The following NCLN variants were observed in gnomAD, a reference collection of about 807,000 sequenced individuals.
NCLN encodes nicalin, also known as BOS complex subunit NCLN.
NCLN carries 34 observed loss-of-function variants against 69.5 expected under a neutral mutation model. The ratio of observed to expected loss-of-function variants is 0.49; its 90% confidence interval spans 0.37 to 0.65. The LOEUF (loss-of-function observed/expected upper bound fraction) is 0.65. Ranked by LOEUF, NCLN falls within the 30% of genes least tolerant of loss-of-function variation. NCLN has a pLI of 0.00. For missense variants in NCLN, 710 were observed against 804.8 expected (o/e 0.88, Z 1.42); for synonymous variants, 393 against 358.3 (o/e 1.10, Z -1.09).
In NCLN at chr19:3,204,597, G is replaced by A. The variant is rs377357982; in HGVS notation, c.1054G>A (p.Val352Ile). 6.4e-7 allele frequency: 1 copy of A among 1,570,598 alleles called. No homozygotes were observed. Among genetic ancestry groups the A allele is most frequent in the African/African-American group, 1.4e-5 (1 of 72,966 alleles). The change falls in exon 9 of 15, where the codon GTA becomes ATA. Residue 352 changes from valine to isoleucine, a missense_variant. Transcript: ENST00000246117. ...ETVAAHQFPEVRFSMVHKRIN... is the reference protein window; with the variant it reads ...ETVAAHQFPEIRFSMVHKRIN... Reference sequence around the variant, plus strand: ...GGTGGCCGCGCACCAGTTCCCTGAGGTACGGTTCTCCATGGTGCACAAGCG... The same window carrying A: ...GGTGGCCGCGCACCAGTTCCCTGAGATACGGTTCTCCATGGTGCACAAGCG...
intron 1 of NCLN, among the ~76,000 whole-genome samples, chr19:3,187,289 A>G (rs2144890900): frequency 6.6e-6 from 1 of 152,240 alleles, no homozygotes; most frequent in South Asian, 2.1e-4. Flanking sequence ...TGTCCCTGAC[A>G]TTCCAGAACC....
In NCLN at chr19:3,204,568, T is replaced by TGC; in HGVS notation, c.1030-4_1030-3dup. 2 of 1,529,498 alleles carry TGC rather than the reference T, an allele frequency of 1.3e-6. No homozygotes were observed. The highest frequency in any genetic ancestry group is 1.8e-6 in the Non-Finnish European group (2 of 1,136,158). The allele number at this position is 1,529,498 out of a possible 1,614,324, so 94.7% of individuals were successfully genotyped here. On this transcript the variant is annotated splice_polypyrimidine_tract_variant and splice_region_variant and intron_variant, in intron 8 of 14. Coordinates refer to ENST00000246117, the MANE Select transcript of NCLN (RefSeq NM_020170.4). Reference sequence around the variant, plus strand: ...GCCCTCTGCTAATGGCGCCTCCGGCTGCAGGTGGCCGCGCACCAGTTCCCT... The same window carrying TGC: ...GCCCTCTGCTAATGGCGCCTCCGGCTGCGCAGGTGGCCGCGCACCAGTTCCCT...
intron 2 of NCLN, 128 bp downstream of exon 2, chr19:3,192,788 C>G: frequency 1.2e-6 from 1 of 858,422 alleles, no homozygotes; most frequent in East Asian, 3.0e-5. Context: ...GACTGTTCCC[C>G]TGCTCCATTG....
chr19:3,202,624 G>A (rs935074953), intron 6 of NCLN, among the ~76,000 whole-genome samples: 1 of 152,184 alleles, frequency 6.6e-6, no homozygotes, highest in Admixed American at 6.5e-5. Flanking sequence ...GTCACAAGGC[G>A]CCGGGAGTCA....
At chr19:3,192,366 G>T (rs1599349841) in intron 1 of NCLN, 104 bp from the exon 2 acceptor site, 1 of 287,870 alleles carries the variant, frequency 3.5e-6, no homozygotes. Flanking sequence ...GTTGTGGGCT[G>T]GGGCTGGGGC....
chr19:3,193,439 G>A lies in NCLN; in HGVS notation c.520+11G>A, dbSNP rs150593944. ...CCTCTGCTGCTGAAGGTGTGCTCTG[G>A]GCTGCAGGGACGGGGCCCGTGGGCG... On this transcript the variant is annotated intron_variant, in intron 3 of 14. Coordinates refer to ENST00000246117, the MANE Select transcript of NCLN (RefSeq NM_020170.4). The A allele has an allele frequency of 3.5e-5, 56 of 1,592,228 alleles. No homozygotes were observed. In the East Asian group the frequency reaches 9.6e-4, roughly 27 times the overall value.
chr19:3,189,221 G>C (rs778146508), intron 1 of NCLN, among the ~76,000 whole-genome samples: 12 of 152,178 alleles, frequency 7.9e-5, no homozygotes, highest in Non-Finnish European at 1.6e-4. Context: ...GTTCACAGCA[G>C]GTGGGGCTCG....
chr19:3,192,503 G>A lies in NCLN; in HGVS notation c.218G>A (p.Arg73His), dbSNP rs567845695. 13 of 1,607,086 alleles carry A rather than the reference G, an allele frequency of 8.1e-6. No homozygotes were observed. Among genetic ancestry groups the A allele is most frequent in the African/African-American group, 5.4e-5 (4 of 74,606 alleles). Residue 73 changes from arginine to histidine, a missense_variant, in exon 2 of 15, where the codon CGC becomes CAC. Transcript: ENST00000246117. ...AATGCAGTGCTGAACACGGAGGCGC[G>A]CACGATGGCGGCGGAGGTGCTGAGC... is the stretch of plus-strand genomic sequence containing the variant. The part of the protein sequence containing the change: ...TRNAVLNTEA[R>H]TMAAEVLSRR...
intron 6 of NCLN, 147 bp downstream of exon 6, chr19:3,201,773 C>T (rs1402727028): frequency 3.0e-5 from 20 of 671,750 alleles, no homozygotes; most frequent in Non-Finnish European, 4.7e-5. Flanking sequence ...CCTTATTTAT[C>T]GAGGGCTAAG....
chr19:3,203,739 T>G lies in NCLN; in HGVS notation c.801-17T>G, dbSNP rs375188302. On this transcript the variant is annotated splice_polypyrimidine_tract_variant and intron_variant, in intron 6 of 14. Transcript: ENST00000246117. ...GGCGCTTGCCCGTCAAAGCTAACACTGGGTCTTCCCTCCCAGCTACAACCT... is the reference window on the plus strand; with the variant it reads ...GGCGCTTGCCCGTCAAAGCTAACACGGGGTCTTCCCTCCCAGCTACAACCT... The G allele has an allele frequency of 1.2e-6, 2 of 1,604,410 alleles. No homozygotes were observed. The highest frequency in any genetic ancestry group is 1.7e-6 in the Non-Finnish European group (2 of 1,175,908).
At chr19:3,191,725 G>A (rs1568310060) in intron 1 of NCLN, among the ~76,000 whole-genome samples, 1 of 152,216 alleles carries the variant, frequency 6.6e-6, no homozygotes, top group Non-Finnish European at 1.5e-5. Context: ...GTATATGGCT[G>A]CACTCACCCT....
Position 3,206,277 on chromosome 19 carries a change from C to T in NCLN, c.1351C>T (p.Gln451Ter). The T allele has an allele frequency of 6.5e-7, 1 of 1,547,320 alleles. No individual in the cohort carries two copies. The change falls in exon 12 of 15, where the codon CAG becomes TAG. Residue 451 changes from glutamine to a stop codon, truncating the protein, a stop_gained. Transcript: ENST00000246117. LOFTEE classifies it high-confidence loss of function. ...GTCCCTACAGCAGATCCAGCAGGAG[C>T]AGCTGGACTCGGTGATGGACTGGCT... The part of the protein sequence containing the change: ...FTEQMQIQQE[Q>*]LDSVMDWLTN...
intron 4 of NCLN, 88 bp downstream of exon 4, chr19:3,196,365 G>A: frequency 4.1e-6 from 4 of 975,010 alleles, no homozygotes; most frequent in Non-Finnish European, 6.0e-6. Context: ...TACTAGAGGG[G>A]AGCCGCTGAT....
intron 1 of NCLN, among the ~76,000 whole-genome samples, chr19:3,189,404 G>A (rs1040590504): frequency 6.6e-5 from 10 of 152,236 alleles, no homozygotes; most frequent in Non-Finnish European, 1.2e-4. Context: ...AAGTTTTATC[G>A]GCACGCGGTC....
At chr19:3,191,249 AGG>A (rs1454256965) in intron 1 of NCLN, among the ~76,000 whole-genome samples, 1 of 151,936 alleles carries the variant, frequency 6.6e-6, no homozygotes, top group Non-Finnish European at 1.5e-5. Flanking sequence ...CTGAGAGAGG[AGG>A]GAAGAGCAGT....
chr19:3,187,121 T>G (rs2032989549), intron 1 of NCLN, among the ~76,000 whole-genome samples: 1 of 152,100 alleles, frequency 6.6e-6, no homozygotes, highest in African/African-American at 2.4e-5. Flanking sequence ...CCCCACTTGT[T>G]CCATCTTTCC....
intron 1 of NCLN, among the ~76,000 whole-genome samples, chr19:3,192,118 G>A (rs507218): frequency 0.44 from 66,374 of 152,040 alleles, 14,532 homozygotes; most frequent in East Asian, 0.54. Context: ...AACCCGGGAG[G>A]TGGAGGCTGC....
In NCLN at chr19:3,204,591, C is replaced by T. The variant is rs1429387219; in HGVS notation, c.1048C>T (p.Pro350Ser). The change falls in exon 9 of 15, where the codon CCT (proline) becomes TCT (serine). Residue 350 changes from proline to serine, a missense_variant. Transcript: ENST00000246117. ...ELETVAAHQFPEVRFSMVHKR... is the reference protein window; with the variant it reads ...ELETVAAHQFSEVRFSMVHKR... ...GCTGCAGGTGGCCGCGCACCAGTTCCCTGAGGTACGGTTCTCCATGGTGCA... is the reference window on the plus strand; with the variant it reads ...GCTGCAGGTGGCCGCGCACCAGTTCTCTGAGGTACGGTTCTCCATGGTGCA... The T allele has an allele frequency of 2.6e-6, 4 of 1,560,020 alleles. No homozygotes were observed. Among genetic ancestry groups the T allele is most frequent in the Non-Finnish European group, 1.7e-6 (2 of 1,152,564 alleles).
chr19:3,198,280 G>A (rs954931350), intron 4 of NCLN, among the ~76,000 whole-genome samples: 3 of 152,094 alleles, frequency 2.0e-5, no homozygotes, highest in Non-Finnish European at 2.9e-5. Context: ...GCCGAGGTGG[G>A]CGGATCATGA....
Sources: gnomAD v4.1 joint callset for allele counts (sites outside exome capture counted in the v4.1 genomes callset) on GRCh38, gnomAD v4.1.1 for gene constraint, MANE v1.5 for transcripts, NCBI Gene and HGNC (gene_info 2026-07-23, HGNC 2026-07-21) for gene names.